Variants in PNPLA6 observed in about 807,000 individuals in gnomAD.
The protein encoded by PNPLA6 is patatin-like phospholipase domain-containing protein 6.
Under a neutral mutation model 153.7 loss-of-function variants are expected in PNPLA6, and 105 were observed. That is an observed-to-expected ratio of 0.68 (90% confidence interval 0.58 to 0.80). The LOEUF is 0.80. Among genes scored for constraint, PNPLA6 ranks in the 30% least tolerant of loss-of-function variants. PNPLA6 has a pLI of 0.00. For missense variants in PNPLA6, 1,423 were observed against 1,919.3 expected, an observed-to-expected ratio of 0.74 and a Z score of 4.83; for synonymous variants, 825 against 822.2, an observed-to-expected ratio of 1.00 and a Z score of -0.06.
At chr19:7,557,017 C>T (rs776644487) in intron 26 of PNPLA6, 151 bp from the exon 27 acceptor site, 8 of 785,078 alleles carry the variant, frequency 1.0e-5, no homozygotes, top group Non-Finnish European at 1.6e-5. Context: ...CCCTACCTGC[C>T]CCCACTGTGC....
intron 17 of PNPLA6, 48 bp downstream of exon 17, chr19:7,551,155 G>A (rs1264955351): frequency 3.3e-6 from 4 of 1,224,912 alleles, no homozygotes; most frequent in East Asian, 2.5e-5. Flanking sequence ...GGGACTCCGG[G>A]GGGGTGGGGG....
rs1267192125 is a variant in PNPLA6 at position 7,555,459 on chromosome 19, C to T, written c.2936+92C>T. The T allele has an allele frequency of 2.2e-6, 3 of 1,335,894 alleles. No individual in the cohort carries two copies. The highest frequency in any genetic ancestry group is 2.9e-5 in the African/African-American group (2 of 69,122). The allele number at this position is 1,335,894 out of a possible 1,614,324, so 82.8% of individuals were successfully genotyped here. On this transcript the variant is annotated intron_variant, in intron 23 of 31. Transcript: ENST00000600737. The surrounding 1 kb of genome is among the most constrained non-coding windows in gnomAD (Gnocchi z 6.3). ...ACCGTGGGGGCGGGGCCTGGGTGTT[C>T]GAGGGTGGAGCTTCCCCTCCGGGAG...
chr19:7,547,731 A>G (rs183122048), intron 13 of PNPLA6, among the ~76,000 whole-genome samples: 438 of 151,896 alleles, frequency 2.9e-3, no homozygotes, highest in African/African-American at 0.01. Context: ...TCAAACATCT[A>G]GGCTCAAGCA....
chr19:7,535,685 GT>G, upstream of PNPLA6: 2 of 1,528,624 alleles, frequency 1.3e-6, no homozygotes, highest in Non-Finnish European at 1.8e-6. The surrounding 1 kb of genome is among the most constrained non-coding windows in gnomAD (Gnocchi z 5.0). Context: ...AACGCGCTGC[GT>G]CCGCTCGGGC....
At position 7,555,404 on chromosome 19, in the gene PNPLA6, G is replaced by T; in HGVS notation, c.2936+37G>T. On this transcript the variant is annotated intron_variant, in intron 23 of 31. Transcript: ENST00000600737. The surrounding 1 kb of genome is among the most constrained non-coding windows in gnomAD (Gnocchi z 6.3). ...GCTTGCTCTCTGGGGGCGGGGCCTG[G>T]ATGTCCGAGGGTGGAGCTTCCTGGG... is the stretch of plus-strand genomic sequence containing the variant. 1.4e-6 allele frequency: 2 copies of T among 1,443,462 alleles called. No homozygotes were observed. Among genetic ancestry groups the T allele is most frequent in the South Asian group, 2.4e-5 (2 of 82,072 alleles). 89.4% of individuals were successfully genotyped at this position (1,443,462 alleles called of 1,614,324 possible). A position where few individuals can be genotyped will look rare whatever the true frequency, so the allele number is the denominator to read the frequency against.
chr19:7,547,843 T>C, intron 13 of PNPLA6, among the ~76,000 whole-genome samples: 1 of 57,620 alleles, frequency 1.7e-5, no homozygotes. Flanking sequence ...TTTTTTTTTT[T>C]GTAGAGACAG....
At chr19:7,537,735 C>T (rs752026658) in intron 3 of PNPLA6, among the ~76,000 whole-genome samples, 5 of 152,040 alleles carry the variant, frequency 3.3e-5, no homozygotes, top group Admixed American at 2.6e-4. Context: ...TCCACCTCCT[C>T]GGTTCAAAAG....
chr19:7,554,347 A>G, intron 20 of PNPLA6, 75 bp downstream of exon 20: 1 of 1,433,088 alleles, frequency 7.0e-7, no homozygotes, highest in Non-Finnish European at 9.8e-7. Flanking sequence ...CCTGAGTTCA[A>G]GTTCTTGGCT....
At chr19:7,543,117 C>T (rs897390297) in intron 13 of PNPLA6, 33 bp downstream of exon 13, 1 of 1,571,946 alleles carries the variant, frequency 6.4e-7, no homozygotes, top group African/African-American at 1.4e-5. Flanking sequence ...AACCATGCCA[C>T]CTGAGATCAT....
At chr19:7,535,492 AC>A (rs1379258483), upstream of PNPLA6, 1 of 1,551,324 alleles carries the variant, frequency 6.4e-7, no homozygotes, top group Non-Finnish European at 8.8e-7. This position sits in a 1 kb window ranked among gnomAD's most constrained non-coding sequence, Gnocchi z 5.0. Context: ...GGTTCCTTCG[AC>A]TCCTTGATTT....
In PNPLA6 at chr19:7,555,581, G is replaced by GT; in HGVS notation, c.2937-25dup. ...AGTTCCTGCAGGTGGGGCCTAGCGG[G>GT]TCACTGGGGCCCATTTTCCCGGCAG... On this transcript the variant is annotated intron_variant, in intron 23 of 31. Transcript: ENST00000600737. The surrounding 1 kb of genome is among the most constrained non-coding windows in gnomAD (Gnocchi z 6.3). 1 of 1,609,816 alleles carries GT rather than the reference G, an allele frequency of 6.2e-7. No individual in the cohort carries two copies. The highest frequency in any genetic ancestry group is 1.3e-5 in the African/African-American group (1 of 74,930).
chr19:7,535,102 T>G, upstream of PNPLA6: 1 of 213,432 alleles, frequency 4.7e-6, no homozygotes, highest in Non-Finnish European at 9.7e-6. This position sits in a 1 kb window ranked among gnomAD's most constrained non-coding sequence, Gnocchi z 5.0. Context: ...GGGGGTGGGG[T>G]GGTCAGGCTT....
rs1161034934 is a variant in PNPLA6 at position 7,558,837 on chromosome 19, C to T, written c.3398-13C>T. The T allele has an allele frequency of 3.1e-6, 5 of 1,601,094 alleles. No individual in the cohort carries two copies. The highest frequency in any genetic ancestry group is 1.7e-6 in the Non-Finnish European group (2 of 1,178,098). ...CCGAGGGGAGCAGCCCGCTGACCCC[C>T]CTGGCCCCACAGCGGACATCGCCCG... On this transcript the variant is annotated splice_polypyrimidine_tract_variant and intron_variant, in intron 27 of 31. Coordinates refer to ENST00000600737, the MANE Select transcript of PNPLA6 (RefSeq NM_001166114.2).
In PNPLA6 at chr19:7,542,664, C is replaced by T. The variant is rs776524852; in HGVS notation, c.1356C>T (p.Pro452=). The part of the protein sequence containing the change: ...EEASGGSLAA[P]ARTPTQEPRE... ...CCTCCGGGGGGTCCCTGGCAGCCCCCGCTCGGGTAAGGCTTGGGACCCTGC... is the reference window on the plus strand; with the variant it reads ...CCTCCGGGGGGTCCCTGGCAGCCCCTGCTCGGGTAAGGCTTGGGACCCTGC... The change falls in exon 11 of 32, where the codon CCC becomes CCT. Residue 452 remains proline, a synonymous_variant. Coordinates refer to ENST00000600737, the MANE Select transcript of PNPLA6 (RefSeq NM_001166114.2). The T allele has an allele frequency of 2.0e-5, 32 of 1,612,852 alleles. No homozygotes were observed. Among genetic ancestry groups the T allele is most frequent in the South Asian group, 3.3e-5 (3 of 91,064 alleles).
In PNPLA6 at chr19:7,543,150, T is replaced by A. The variant is rs1246721967; in HGVS notation, c.1608+66T>A. On this transcript the variant is annotated intron_variant, in intron 13 of 31. Coordinates refer to ENST00000600737, the MANE Select transcript of PNPLA6 (RefSeq NM_001166114.2). ...CATTCCCTATGACTTCTGTGACCTC[T>A]GATCCCTGCCCTTTGACTGTAAGAC... is the stretch of plus-strand genomic sequence containing the variant. The A allele has an allele frequency of 8.2e-6, 11 of 1,346,102 alleles. No individual in the cohort carries two copies. The South Asian group carries it at 1.3e-4, about 16-fold the overall frequency. The allele number at this position is 1,346,102 out of a possible 1,614,324, so 83.4% of individuals were successfully genotyped here.
intron 18 of PNPLA6, among the ~76,000 whole-genome samples, chr19:7,553,411 C>G (rs1356412629): frequency 6.6e-6 from 1 of 152,194 alleles, no homozygotes; most frequent in African/African-American, 2.4e-5. Flanking sequence ...GCCACCATGC[C>G]TGGCTAATTG....
chr19:7,553,345 A>G (rs582611), intron 18 of PNPLA6, among the ~76,000 whole-genome samples: 63,269 of 152,024 alleles, frequency 0.42, 13,952 homozygotes, highest in South Asian at 0.56. Context: ...TCTGCCTCCC[A>G]GGTTCAAGTG....
chr19:7,555,326 G>C lies in PNPLA6; in HGVS notation c.2895G>C (p.Thr965=). The change falls in exon 23 of 32, where the codon ACG becomes ACC. Residue 965 remains threonine (T), a synonymous_variant. Coordinates refer to ENST00000600737, the MANE Select transcript of PNPLA6 (RefSeq NM_001166114.2). The surrounding 1 kb of genome is among the most constrained non-coding windows in gnomAD (Gnocchi z 6.3). The part of the protein sequence containing the change: ...SDFSRLARVL[T]GNTIALVLGG... ...TCTCCCGCTTGGCGAGGGTGCTCAC[G>C]GGGAACACCATTGCCCTTGTGCTAG... 1 of 1,574,414 alleles carries C rather than the reference G, an allele frequency of 6.4e-7. No individual in the cohort carries two copies. Among genetic ancestry groups the C allele is most frequent in the East Asian group, 2.3e-5 (1 of 43,110 alleles).
chr19:7,554,527 G>C, intron 20 of PNPLA6, 28 bp from the exon 21 acceptor site: 1 of 1,613,786 alleles, frequency 6.2e-7, no homozygotes, highest in South Asian at 1.1e-5. Context: ...GCCAACCCCA[G>C]GATGACGCTG....
Sources: allele counts gnomAD v4.1 joint callset (sites outside exome capture counted in the v4.1 genomes callset), GRCh38; gene constraint gnomAD v4.1.1; non-coding constraint Gnocchi (gnomAD v3.1); transcripts MANE v1.5; gene names NCBI Gene and HGNC (gene_info 2026-07-23, HGNC 2026-07-21).